Variants in SOX3 observed in about 807,000 individuals in gnomAD.
SOX3 encodes the protein transcription factor SOX-3.
SOX3 carries 2 observed loss-of-function variants against 4.6 expected under a neutral mutation model. The observed-to-expected ratio is 0.43, with a 90% CI of 0.18 to 1.36. SOX3 has a LOEUF of 1.36. Ranked by LOEUF, SOX3 falls within the 40% of genes most tolerant of loss-of-function variation. The pLI, the probability that SOX3 is intolerant of heterozygous loss-of-function variation, is 0.28. For synonymous variants in SOX3, 244 were observed against 215.9 expected (o/e 1.13, Z -1.14); for missense variants, 326 against 441.9 (o/e 0.74, Z 2.35).
Position 140,503,783 on chromosome X carries a change from C to T in SOX3, c.1278G>A (p.Val426=), listed in dbSNP as rs757786905. 45 of 1,169,284 alleles carry T rather than the reference C, an allele frequency of 3.8e-5. No homozygotes were observed. Among genetic ancestry groups the T allele is most frequent in the Non-Finnish European group, 5.1e-5 (45 of 879,993 alleles). The change falls in exon 1 of 1, where the codon GTG becomes GTA. Residue 426 remains valine, a synonymous_variant. Transcript: ENST00000370536. ...TCCCGGCGCCCTGGTAGTGCTGGTGCACGCCGTGCAGGCGACCGCCGGGCA... is the reference window on the plus strand; with the variant it reads ...TCCCGGCGCCCTGGTAGTGCTGGTGTACGCCGTGCAGGCGACCGCCGGGCA... ...SPLPGGRLHG[V]HQHYQGAGTA...
In SOX3 at chrX:140,504,488, C is replaced by T. The variant is rs768843875; in HGVS notation, c.573G>A (p.Glu191=). The change falls in exon 1 of 1, where the codon GAG becomes GAA. Residue 191 remains glutamate, a synonymous_variant. Transcript: ENST00000370536. ...TDAEKRPFID[E]AKRLRAVHMK... ...TGTGCACGGCGCGAAGTCGCTTGGC[C>T]TCGTCGATGAATGGTCGCTTCTCGG... 3.3e-6 allele frequency: 4 copies of T among 1,212,098 alleles called. No homozygotes were observed. The highest frequency in any genetic ancestry group is 4.5e-6 in the Non-Finnish European group (4 of 895,558).
In SOX3 at chrX:140,505,043, C is replaced by T. The variant is rs1476643646; in HGVS notation, c.18G>A (p.Glu6=). 1 of 1,205,130 alleles carries T rather than the reference C, an allele frequency of 8.3e-7. No homozygotes were observed. The change falls in exon 1 of 1, where the codon GAG becomes GAA. Residue 6 remains glutamate (E), a synonymous_variant. Transcript: ENST00000370536. ...GCGGGCTTCTCGCACCTGATGAGTT[C>T]TCTCGAACAGGTCGCATTCACAGTC... MRPVR[E]NSSGARSPRV...
In SOX3 at chrX:140,504,194, G is replaced by A; in HGVS notation, c.867C>T (p.Ser289=). The A allele has an allele frequency of 9.2e-7, 1 of 1,088,392 alleles. No homozygotes were observed. Among genetic ancestry groups the A allele is most frequent in the South Asian group, 2.4e-5 (1 of 41,529 alleles). 89.7% of individuals were successfully genotyped at this position (1,088,392 alleles called of 1,213,427 possible). ...LGYAQPPSMS[S]PPPPPALPPM... ...GCGGCAGCGCGGGCGGCGGCGGCGG[G>A]CTGCTCATGCTCGGGGGCTGCGCGT... Residue 289 remains serine, a synonymous_variant, in exon 1 of 1, where the codon AGC becomes AGT. Transcript: ENST00000370536.
rs1298824369 is a variant in SOX3, at chrX:140,504,680, C to A, written c.381G>T (p.Ala127=). The change falls in exon 1 of 1, where the codon GCG becomes GCT. Residue 127 remains alanine (A), a synonymous_variant. Coordinates refer to ENST00000370536, the MANE Select transcript of SOX3 (RefSeq NM_005634.3). ...GGTCTGTACCCCCGCCACCTCCGCT[C>A]GCACCACCGCTGCTGCCGCCGCCCG... ...ANSGGGSSGG[A]SGGGGGTDQD... 1 of 1,206,029 alleles carries A rather than the reference C, an allele frequency of 8.3e-7. No homozygotes were observed. Among genetic ancestry groups the A allele is most frequent in the African/African-American group, 1.7e-5 (1 of 57,265 alleles).
Position 140,503,546 on chromosome X carries a change from T to C in SOX3, c.*174A>G. The C allele has an allele frequency of 2.1e-6, 1 of 467,837 alleles. No individual in the cohort carries two copies. The highest frequency in any genetic ancestry group is 4.4e-5 in the South Asian group (1 of 22,696). 38.6% of individuals were successfully genotyped at this position (467,837 alleles called of 1,213,427 possible). On this transcript the variant is annotated 3_prime_UTR_variant, in exon 1 of 1. Transcript: ENST00000370536. ...CCCATTTTCGCTGCTCCTGACTTAT[T>C]TTTGCTTTTGTACAAAACCCGACAG...
Position 140,503,393 on chromosome X carries a change from G to T in SOX3, c.*327C>A. 1 of 205,318 alleles carries T rather than the reference G, an allele frequency of 4.9e-6. No individual in the cohort carries two copies. Among genetic ancestry groups the T allele is most frequent in the Non-Finnish European group, 9.0e-6 (1 of 111,712 alleles). 16.9% of individuals were successfully genotyped at this position (205,318 alleles called of 1,213,427 possible). ...AACTAACAAGACAACATTTTCAAATGTAACAGAATAACCCTGGAACTCAGG... is the reference window on the plus strand; with the variant it reads ...AACTAACAAGACAACATTTTCAAATTTAACAGAATAACCCTGGAACTCAGG... On this transcript the variant is annotated 3_prime_UTR_variant, in exon 1 of 1. Coordinates refer to ENST00000370536, the MANE Select transcript of SOX3 (RefSeq NM_005634.3).
chrX:140,504,389 G>A lies in SOX3; in HGVS notation c.672C>T (p.Ser224=), dbSNP rs151310978. 9.9e-6 allele frequency: 12 copies of A among 1,210,149 alleles called. No individual in the cohort carries two copies. The highest frequency in any genetic ancestry group is 1.3e-5 in the Non-Finnish European group (12 of 894,635). Reference sequence around the variant, plus strand: ...CGGGAGGCAGGAGGCCGCTGGGCAGGGAGTACTTATCTTTCTTGAGCAGCG... The same window carrying A: ...CGGGAGGCAGGAGGCCGCTGGGCAGAGAGTACTTATCTTTCTTGAGCAGCG... The part of the protein sequence containing the change: ...TKTLLKKDKY[S]LPSGLLPPGA... The change falls in exon 1 of 1, where the codon TCC becomes TCT. Residue 224 remains serine (S), a synonymous_variant. Transcript: ENST00000370536.
rs751040359 is a variant in SOX3, at chrX:140,504,341, AGCGGCG to A, written c.714_719del (p.Ala247_Ala248del). The stretch of plus-strand genomic sequence containing the variant: ...TGGCGGCAGCGGCTGCGGCCGCGGC[AGCGGCG>A]GCGGCGGCCGCGGCACCGGGAGGCA... On this transcript the variant is annotated inframe_deletion, in exon 1 of 1. Transcript: ENST00000370536. The A allele has an allele frequency of 2.7e-6, 3 of 1,096,419 alleles. No homozygotes were observed. In the African/African-American group the frequency reaches 5.9e-5, roughly 22 times the overall value. 90.4% of individuals were successfully genotyped at this position (1,096,419 alleles called of 1,213,427 possible).
At position 140,503,772 on chromosome X, in the gene SOX3, T is replaced by C. The variant is rs2148334310; in HGVS notation, c.1289A>G (p.Tyr430Cys). Residue 430 changes from tyrosine to cysteine, a missense_variant, in exon 1 of 1, where the codon TAC (tyrosine) becomes TGC (cysteine). Transcript: ENST00000370536. Reference sequence around the variant, plus strand: ...GTTGACTGCAGTCCCGGCGCCCTGGTAGTGCTGGTGCACGCCGTGCAGGCG... The same window carrying C: ...GTTGACTGCAGTCCCGGCGCCCTGGCAGTGCTGGTGCACGCCGTGCAGGCG... The part of the protein sequence containing the change: ...GGRLHGVHQH[Y>C]QGAGTAVNGT... The C allele has an allele frequency of 8.5e-7, 1 of 1,172,236 alleles. No individual in the cohort carries two copies. Among genetic ancestry groups the C allele is most frequent in the Non-Finnish European group, 1.1e-6 (1 of 880,517 alleles).
Position 140,503,854 on chromosome X carries a change from T to G in SOX3, c.1207A>C (p.Met403Leu). 3 of 1,187,291 alleles carry G rather than the reference T, an allele frequency of 2.5e-6. No individual in the cohort carries two copies. Among genetic ancestry groups the G allele is most frequent in the Non-Finnish European group, 3.4e-6 (3 of 889,658 alleles). ...GCGTCCCCGCCGGGTGGCAGGTACATGCTGATCATGTCGCGCAGGTCGCCG... is the reference window on the plus strand; with the variant it reads ...GCGTCCCCGCCGGGTGGCAGGTACAGGCTGATCATGTCGCGCAGGTCGCCG... The part of the protein sequence containing the change: ...CLGDLRDMIS[M>L]YLPPGGDAAD... The change falls in exon 1 of 1, where the codon ATG becomes CTG. Residue 403 changes from methionine to leucine, a missense_variant. Physicochemically the swap from Met to Leu is conservative, Grantham distance 15. Transcript: ENST00000370536.
chrX:140,503,911 C>A lies in SOX3; in HGVS notation c.1150G>T (p.Ala384Ser). 1 of 1,182,673 alleles carries A rather than the reference C, an allele frequency of 8.5e-7. No individual in the cohort carries two copies. Among genetic ancestry groups the A allele is most frequent in the Non-Finnish European group, 1.1e-6 (1 of 888,131 alleles). ...VKSEPSSPPP[A>S]IASHSQRACL... ...GCGCGCTGAGAGTGCGATGCGATGG[C>A]GGGCGGCGGCGAGCTGGGCTCAGAC... Residue 384 changes from alanine (A) to serine (S), a missense_variant, in exon 1 of 1, where the codon GCC (alanine) becomes TCC (serine). Transcript: ENST00000370536.
rs1044730257 is a variant in SOX3, at chrX:140,503,110, CAG to C, written c.*608_*609del. On this transcript the variant is annotated 3_prime_UTR_variant, in exon 1 of 1. Coordinates refer to ENST00000370536, the MANE Select transcript of SOX3 (RefSeq NM_005634.3). ...CACATTAGCGCGAAGAAATATCAAA[CAG>C]ATCACGGCAGAAATCACCAACTCAA... 2 of 111,952 alleles carry C rather than the reference CAG, an allele frequency of 1.8e-5. No homozygotes were observed. Among genetic ancestry groups the C allele is most frequent in the African/African-American group, 6.5e-5 (2 of 30,653 alleles). 9.2% of individuals were successfully genotyped at this position (111,952 alleles called of 1,213,427 possible). A position where few individuals can be genotyped will look rare whatever the true frequency, so the allele number is the denominator to read the frequency against.
chrX:140,503,801 G>A lies in SOX3; in HGVS notation c.1260C>T (p.Gly420=), dbSNP rs781772253. Residue 420 remains glycine, a synonymous_variant, in exon 1 of 1, where the codon GGC becomes GGT. Transcript: ENST00000370536. ...DAADAASPLP[G]GRLHGVHQHY... Reference sequence around the variant, plus strand: ...GCTGGTGCACGCCGTGCAGGCGACCGCCGGGCAGCGGAGAGGCGGCGTCGG... The same window carrying A: ...GCTGGTGCACGCCGTGCAGGCGACCACCGGGCAGCGGAGAGGCGGCGTCGG... 4 of 1,176,905 alleles carry A rather than the reference G, an allele frequency of 3.4e-6. No homozygotes were observed. The highest frequency in any genetic ancestry group is 1.9e-5 in the South Asian group (1 of 53,745).
In SOX3 at chrX:140,504,338, G is replaced by A; in HGVS notation, c.723C>T (p.Ala241=). The change falls in exon 1 of 1, where the codon GCC becomes GCT. Residue 241 remains alanine, a synonymous_variant. Transcript: ENST00000370536. The part of the protein sequence containing the change: ...PPGAAAAAAA[A]AAAAAAASSP... ...TGCTGGCGGCAGCGGCTGCGGCCGC[G>A]GCAGCGGCGGCGGCGGCCGCGGCAC... is the stretch of plus-strand genomic sequence containing the variant. 1 of 1,097,956 alleles carries A rather than the reference G, an allele frequency of 9.1e-7. No homozygotes were observed. The allele number at this position is 1,097,956 out of a possible 1,213,427, so 90.5% of individuals were successfully genotyped here. A position where few individuals can be genotyped will look rare whatever the true frequency, so the allele number is the denominator to read the frequency against.
In SOX3 at chrX:140,504,859, C is replaced by T. The variant is rs1927349077; in HGVS notation, c.202G>A (p.Ala68Thr). Residue 68 changes from alanine to threonine, a missense_variant, in exon 1 of 1, where the codon GCG becomes ACG. Transcript: ENST00000370536. ...ATTGCCGGGGCGGGAAGAAGGTGCG[C>T]CAGCGTGGCGGGAGGAGAAGGCGCT... ...PGAPSPPATL[A>T]HLLPAPAMYS... 1 of 1,175,102 alleles carries T rather than the reference C, an allele frequency of 8.5e-7. No homozygotes were observed. Among genetic ancestry groups the T allele is most frequent in the Non-Finnish European group, 1.1e-6 (1 of 876,947 alleles).
At position 140,504,689 on chromosome X, in the gene SOX3, G is replaced by T; in HGVS notation, c.372C>A (p.Ser124Arg). ...AGGANSGGGS[S>R]GGASGGGGGT... ...CCCCGCCACCTCCGCTCGCACCACC[G>T]CTGCTGCCGCCGCCCGAGTTCGCGC... is the stretch of plus-strand genomic sequence containing the variant. The change falls in exon 1 of 1, where the codon AGC (serine) becomes AGA (arginine). Residue 124 changes from serine to arginine, a missense_variant. Physicochemically the swap from Ser to Arg is moderately radical, Grantham distance 110. Around this residue, in one of 6 missense-constraint regions of SOX3, gnomAD observed 64 missense variants for 83.8 expected, o/e 0.76. Transcript: ENST00000370536. The T allele has an allele frequency of 8.3e-7, 1 of 1,206,064 alleles. No homozygotes were observed. The highest frequency in any genetic ancestry group is 1.7e-5 in the African/African-American group (1 of 57,704).
Position 140,504,959 on chromosome X carries a change from C to A in SOX3, c.102G>T (p.Ser34=). The change falls in exon 1 of 1, where the codon TCG becomes TCT. Residue 34 remains serine (S), a synonymous_variant. Coordinates refer to ENST00000370536, the MANE Select transcript of SOX3 (RefSeq NM_005634.3). ...ILISLPFPPD[S]LAHRPPSSAP... ...CGGAGCTTGGGGGCCTGTGGGCCAG[C>A]GAGTCCGGCGGGAAGGGTAGGCTTA... is the stretch of plus-strand genomic sequence containing the variant. The A allele has an allele frequency of 2.5e-6, 3 of 1,206,680 alleles. No individual in the cohort carries two copies. Among genetic ancestry groups the A allele is most frequent in the South Asian group, 1.8e-5 (1 of 55,998 alleles).
Position 140,504,384 on chromosome X carries a change from G to A in SOX3, c.677C>T (p.Pro226Leu). The A allele has an allele frequency of 8.3e-7, 1 of 1,209,102 alleles. No homozygotes were observed. Among genetic ancestry groups the A allele is most frequent in the Non-Finnish European group, 1.1e-6 (1 of 894,246 alleles). ...TLLKKDKYSL[P>L]SGLLPPGAAA... ...GGCACCGGGAGGCAGGAGGCCGCTG[G>A]GCAGGGAGTACTTATCTTTCTTGAG... is the stretch of plus-strand genomic sequence containing the variant. Residue 226 changes from proline to leucine, a missense_variant, in exon 1 of 1, where the codon CCC (proline) becomes CTC (leucine). Pro to Leu is a moderately conservative substitution (Grantham distance 98). Coordinates refer to ENST00000370536, the MANE Select transcript of SOX3 (RefSeq NM_005634.3).
At position 140,504,086 on chromosome X, in the gene SOX3, G is replaced by A; in HGVS notation, c.975C>T (p.Ala325=). The change falls in exon 1 of 1, where the codon GCC becomes GCT. Residue 325 remains alanine, a synonymous_variant. Coordinates refer to ENST00000370536, the MANE Select transcript of SOX3 (RefSeq NM_005634.3). The part of the protein sequence containing the change: ...PGAQSYMNVA[A]AAAAASGYGG... ...CGTAGCCCGAGGCGGCGGCGGCCGCGGCAGCGACGTTCATGTAGCTCTGAG... is the reference window on the plus strand; with the variant it reads ...CGTAGCCCGAGGCGGCGGCGGCCGCAGCAGCGACGTTCATGTAGCTCTGAG... 1.0e-6 allele frequency: 1 copy of A among 1,002,095 alleles called. No individual in the cohort carries two copies. The highest frequency in any genetic ancestry group is 1.3e-6 in the Non-Finnish European group (1 of 792,603). The allele number at this position is 1,002,095 out of a possible 1,213,427, so 82.6% of individuals were successfully genotyped here.
Sources: gnomAD v4.1 joint callset for allele counts on GRCh38, gnomAD v4.1.1 for gene constraint, gnomAD v4.1.1 regional missense constraint, MANE v1.5 for transcripts, NCBI Gene and HGNC (gene_info 2026-07-23, HGNC 2026-07-21) for gene names.